UGT1A3: variants seen among roughly 807,000 people sequenced by gnomAD.
UGT1A3 encodes UDP glucuronosyltransferase family 1 member A3.
In UGT1A3, 31 loss-of-function variants were observed where a neutral mutation model predicts 41.0. The ratio of observed to expected loss-of-function variants is 0.76; its 90% CI spans 0.57 to 1.02. UGT1A3 has a LOEUF of 1.02. UGT1A3 is among the 50% of genes least tolerant of loss of function. UGT1A3 has a pLI of 0.00. For missense variants in UGT1A3, 737 were observed against 671.0 expected (o/e 1.10, Z -1.09); for synonymous variants, 262 against 257.6 (o/e 1.02, Z -0.17).
chr2:233,745,515 T>C (rs1256648631), intron 1 of UGT1A3, among the ~76,000 whole-genome samples: 1 of 151,514 alleles, frequency 6.6e-6, no homozygotes, highest in African/African-American at 2.4e-5. Flanking sequence ...GGGTATTAGG[T>C]CTAATGGGGA....
intron 1 of UGT1A3, among the ~76,000 whole-genome samples, chr2:233,739,279 C>G (rs11691824): frequency 0.034 from 5,129 of 152,284 alleles, 99 homozygotes; most frequent in African/African-American, 0.051. Flanking sequence ...AGCCCCCACA[C>G]AGAGTCTCCA....
rs1197217619 is a variant in UGT1A3, at chr2:233,750,175, GA to G, written c.868-16858del. 5.9e-5 allele frequency among the ~76,000 whole-genome samples: 9 copies of G among 151,894 alleles called. 1 individual carries two copies. The highest frequency in any genetic ancestry group is 2.2e-4 in the African/African-American group (9 of 41,136). Reference sequence around the variant, plus strand: ...GTTGAATGGTTTTGACCAAAATGCTGATAATGTTGTGGACAATGAAGTCCAG... The same window carrying G: ...GTTGAATGGTTTTGACCAAAATGCTGTAATGTTGTGGACAATGAAGTCCAG... On this transcript the variant is annotated intron_variant, in intron 1 of 4. Coordinates refer to ENST00000482026, the MANE Select transcript of UGT1A3 (RefSeq NM_019093.4).
rs532529523 is a variant in UGT1A3 at position 233,747,113 on chromosome 2, A to T, written c.867+17120A>T. 13 of 1,433,550 alleles carry T rather than the reference A, an allele frequency of 9.1e-6. No homozygotes were observed. The African/African-American group carries it at 1.3e-4, about 14-fold the overall frequency. 88.8% of individuals were successfully genotyped at this position (1,433,550 alleles called of 1,614,324 possible). ...CACTCTATCTTCCAATTACATGATGATTTGCTAAGTGGCTCAGTGACAAGG... is the reference window on the plus strand; with the variant it reads ...CACTCTATCTTCCAATTACATGATGTTTTGCTAAGTGGCTCAGTGACAAGG... On this transcript the variant is annotated intron_variant, in intron 1 of 4. Coordinates refer to ENST00000482026, the MANE Select transcript of UGT1A3 (RefSeq NM_019093.4).
chr2:233,756,771 G>C (rs1424521769), intron 1 of UGT1A3, among the ~76,000 whole-genome samples: 1 of 152,000 alleles, frequency 6.6e-6, no homozygotes, highest in Non-Finnish European at 1.5e-5. Context: ...TGGATTCTTT[G>C]CTTTGATAAA....
At chr2:233,733,474 A>T (rs894713711) in intron 1 of UGT1A3, among the ~76,000 whole-genome samples, 1 of 152,316 alleles carries the variant, frequency 6.6e-6, no homozygotes, top group Admixed American at 6.5e-5. Context: ...TTATTTTGAG[A>T]TACTTCCATC....
rs774552419 is a variant in UGT1A3 at position 233,767,911 on chromosome 2, G to A, written c.1062G>A (p.Lys354=). ...SNLANNTILV[K]WLPQNDLLGH... is the part of the protein sequence containing the mutation. Reference sequence around the variant, plus strand: ...TTGCGAACAACACGATACTTGTTAAGTGGCTACCCCAAAACGATCTGCTTG... The same window carrying A: ...TTGCGAACAACACGATACTTGTTAAATGGCTACCCCAAAACGATCTGCTTG... The change falls in exon 3 of 5, where the codon AAG becomes AAA. Residue 354 remains lysine (K), a synonymous_variant. Coordinates refer to ENST00000482026, the MANE Select transcript of UGT1A3 (RefSeq NM_019093.4). 13 of 1,614,068 alleles carry A rather than the reference G, an allele frequency of 8.1e-6. No homozygotes were observed. The highest frequency in any genetic ancestry group is 1.3e-5 in the African/African-American group (1 of 74,916).
intron 1 of UGT1A3, among the ~76,000 whole-genome samples, chr2:233,735,497 T>A (rs1029127614): frequency 3.9e-5 from 6 of 152,204 alleles, no homozygotes; most frequent in African/African-American, 1.4e-4. Flanking sequence ...ATTGCAGCAT[T>A]TAGCCCATTT....
Position 233,729,119 on chromosome 2 carries a change from C to T in UGT1A3, c.-8C>T. 2 of 1,613,028 alleles carry T rather than the reference C, an allele frequency of 1.2e-6. No homozygotes were observed. Among genetic ancestry groups the T allele is most frequent in the East Asian group, 2.2e-5 (1 of 44,890 alleles). On this transcript the variant is annotated 5_prime_UTR_variant, in exon 1 of 5. Transcript: ENST00000482026. ...GTGGACAGTCAGCTGTCCGTGTCTT[C>T]TGCTGAGATGGCCACAGGACTCCAG... is the stretch of plus-strand genomic sequence containing the variant.
At chr2:233,747,222 A>G (rs2125883623) in intron 1 of UGT1A3, 4 of 1,605,292 alleles carry the variant, frequency 2.5e-6, no homozygotes, top group Middle Eastern at 4.1e-4. Flanking sequence ...AGATGGCCAC[A>G]GGACCCCAGG....
chr2:233,760,063 T>C (rs1697313793), intron 1 of UGT1A3, among the ~76,000 whole-genome samples: 1 of 152,194 alleles, frequency 6.6e-6, no homozygotes, highest in African/African-American at 2.4e-5. Flanking sequence ...GAATGTGATT[T>C]GAGTATGAAA....
At chr2:233,740,213 C>T (rs984335401) in intron 1 of UGT1A3, among the ~76,000 whole-genome samples, 14 of 151,922 alleles carry the variant, frequency 9.2e-5, no homozygotes, top group Middle Eastern at 3.4e-3. Flanking sequence ...TACCCAGTCT[C>T]AGCTGCGTCT....
intron 1 of UGT1A3, among the ~76,000 whole-genome samples, chr2:233,737,176 C>T (rs550268517): frequency 9.8e-5 from 15 of 152,314 alleles, no homozygotes; most frequent in African/African-American, 2.9e-4. Context: ...GAGTCTATAG[C>T]GGCAGTAGCC....
chr2:233,772,775 T>C lies in UGT1A3; in HGVS notation c.*216T>C, dbSNP rs1450071408. On this transcript the variant is annotated 3_prime_UTR_variant, in exon 5 of 5. Transcript: ENST00000482026. ...AATATGTATCGTGCCCCCTCTGGTG[T>C]CTTTGATCAGGATGACATGTGCCAT... 2 of 1,313,948 alleles carry C rather than the reference T, an allele frequency of 1.5e-6. No homozygotes were observed. Among genetic ancestry groups the C allele is most frequent in the East Asian group, 2.7e-5 (1 of 37,564 alleles). 81.4% of individuals were successfully genotyped at this position (1,313,948 alleles called of 1,614,324 possible).
intron 1 of UGT1A3, among the ~76,000 whole-genome samples, chr2:233,757,643 G>T (rs955610345): frequency 6.7e-6 from 1 of 150,102 alleles, no homozygotes; most frequent in Admixed American, 6.6e-5. Context: ...AGAACAAAAT[G>T]CTGTTTTTCT....
At chr2:233,743,731 G>C (rs373030535) in intron 1 of UGT1A3, 1 of 1,367,360 alleles carries the variant, frequency 7.3e-7, no homozygotes, top group East Asian at 4.5e-5. Flanking sequence ...CATAGATATC[G>C]CGTTTCTTGG....
In UGT1A3 at chr2:233,772,560, G is replaced by A. The variant is rs773424672; in HGVS notation, c.*1G>A. On this transcript the variant is annotated 3_prime_UTR_variant, in exon 5 of 5. Coordinates refer to ENST00000482026, the MANE Select transcript of UGT1A3 (RefSeq NM_019093.4). Reference sequence around the variant, plus strand: ...AGCCCACAAATCCAAGACCCATTGAGAAGTGGGTGGGAAATAAGGTAAAAT... The same window carrying A: ...AGCCCACAAATCCAAGACCCATTGAAAAGTGGGTGGGAAATAAGGTAAAAT... 4 of 1,613,722 alleles carry A rather than the reference G, an allele frequency of 2.5e-6. No homozygotes were observed. The South Asian group carries it at 3.3e-5, about 13-fold the overall frequency.
At position 233,767,811 on chromosome 2, in the gene UGT1A3, G is replaced by C. The variant is rs887887266; in HGVS notation, c.1000-38G>C. 1.2e-5 allele frequency: 19 copies of C among 1,614,006 alleles called. No individual in the cohort carries two copies. In the Admixed American group the frequency reaches 2.8e-4, roughly 24 times the overall value. On this transcript the variant is annotated intron_variant, in intron 2 of 4. Coordinates refer to ENST00000482026, the MANE Select transcript of UGT1A3 (RefSeq NM_019093.4). ...CAGATTTGTTTTCTAATCATATTAT[G>C]TTCTTTCTTTACGTTCTGCTCTTTT...
intron 1 of UGT1A3, chr2:233,747,179 G>A: frequency 3.7e-6 from 6 of 1,601,464 alleles, no homozygotes; most frequent in Non-Finnish European, 3.4e-6. Context: ...GCACAGCGTG[G>A]GGTGGACAGT....
Position 233,729,495 on chromosome 2 carries a change from C to T in UGT1A3, c.369C>T (p.Val123=). ...SMAMLNNMSL[V]YHRSCVELLH... The stretch of plus-strand genomic sequence containing the variant: ...CAATGTTGAACAATATGTCTTTGGT[C>T]TATCATAGGTCTTGTGTGGAGCTAC... The change falls in exon 1 of 5, where the codon GTC becomes GTT. Residue 123 remains valine, a synonymous_variant. Transcript: ENST00000482026. 1 of 1,614,190 alleles carries T rather than the reference C, an allele frequency of 6.2e-7. No homozygotes were observed. The highest frequency in any genetic ancestry group is 8.5e-7 in the Non-Finnish European group (1 of 1,180,044).
Sources: gnomAD v4.1 joint callset for allele counts (sites outside exome capture counted in the v4.1 genomes callset) on GRCh38, gnomAD v4.1.1 for gene constraint, MANE v1.5 for transcripts, NCBI Gene and HGNC (gene_info 2026-07-23, HGNC 2026-07-21) for gene names.